Variants in LY86 observed in about 807,000 individuals in gnomAD.
LY86 encodes MD-1, RP105-associated.
Under a neutral mutation model 17.3 loss-of-function variants are expected in LY86, and 20 were observed. That is an observed-to-expected ratio of 1.15 (90% CI 0.81 to 1.68). LY86 has a LOEUF of 1.68. Among genes scored for constraint, LY86 ranks in the 40% most tolerant of loss-of-function variants. The pLI is 0.00. For synonymous variants in LY86, 74 were observed against 70.6 expected, an observed-to-expected ratio of 1.05 and a Z score of -0.24; for missense variants, 200 against 191.9, an observed-to-expected ratio of 1.04 and a Z score of -0.25.
intron 1 of LY86, among the ~76,000 whole-genome samples, chr6:6,599,094 CT>C (rs1175328085): frequency 1.3e-5 from 2 of 152,198 alleles, no homozygotes; most frequent in Non-Finnish European, 2.9e-5. Flanking sequence ...ATAGAAAAAA[CT>C]GCATAGTTGT....
At chr6:6,615,459 C>T (rs1224815210) in intron 1 of LY86, among the ~76,000 whole-genome samples, 1 of 152,112 alleles carries the variant, frequency 6.6e-6, no homozygotes, top group Admixed American at 6.5e-5. Context: ...CGGTGGCTCA[C>T]GCCTGTAATC....
chr6:6,626,474 C>A, intron 3 of LY86, 53 bp downstream of exon 3: 1 of 1,602,082 alleles, frequency 6.2e-7, no homozygotes, highest in South Asian at 1.1e-5. Context: ...GAGATAAACT[C>A]GAACTTGCAT....
At chr6:6,592,000 C>T (rs1260502483) in intron 1 of LY86, among the ~76,000 whole-genome samples, 1 of 152,108 alleles carries the variant, frequency 6.6e-6, no homozygotes, top group African/African-American at 2.4e-5. Context: ...CTCCCTTTGG[C>T]CAGGAGGTTG....
At chr6:6,645,343 G>T (rs1019543339) in intron 3 of LY86, among the ~76,000 whole-genome samples, 1 of 152,032 alleles carries the variant, frequency 6.6e-6, no homozygotes, top group South Asian at 2.1e-4. Flanking sequence ...ACCCTTCCTG[G>T]GGACCACATT....
At chr6:6,627,704 G>A (rs11967114) in intron 3 of LY86, among the ~76,000 whole-genome samples, 7 of 151,916 alleles carry the variant, frequency 4.6e-5, no homozygotes, top group African/African-American at 1.2e-4. Context: ...TTGAGCATTC[G>A]TACCAGGCCC....
chr6:6,606,338 A>C (rs1761143077), intron 1 of LY86, among the ~76,000 whole-genome samples: 1 of 152,110 alleles, frequency 6.6e-6, no homozygotes, highest in Non-Finnish European at 1.5e-5. Flanking sequence ...TGATTGGTGT[A>C]TTTACAATCC....
intron 1 of LY86, among the ~76,000 whole-genome samples, chr6:6,597,333 AG>A (rs1760745723): frequency 1.3e-5 from 2 of 152,302 alleles, no homozygotes; most frequent in African/African-American, 4.8e-5. Context: ...AGGTGGACAG[AG>A]GTTGTCGATC....
At chr6:6,603,600 A>AAC (rs773428379) in intron 1 of LY86, among the ~76,000 whole-genome samples, 25,022 of 83,678 alleles carry the variant, frequency 0.3, 4,163 homozygotes, top group Non-Finnish European at 0.45. Context: ...ACAAAAACAG[A>AAC]AACAGAAAAA....
intron 1 of LY86, among the ~76,000 whole-genome samples, chr6:6,605,911 G>C (rs753595362): frequency 1.3e-5 from 2 of 152,292 alleles, no homozygotes; most frequent in South Asian, 2.1e-4. Context: ...CTGGCTTCAG[G>C]AATGAAGCTG....
At chr6:6,611,941 C>T (rs1197546491) in intron 1 of LY86, among the ~76,000 whole-genome samples, 1 of 152,178 alleles carries the variant, frequency 6.6e-6, no homozygotes, top group Non-Finnish European at 1.5e-5. Flanking sequence ...TCTTAACTTC[C>T]AGCACGTGTC....
intron 1 of LY86, chr6:6,591,215 G>A (rs374372484): frequency 1.4e-4 from 22 of 153,898 alleles, no homozygotes; most frequent in East Asian, 9.6e-4. Context: ...GACTGGGCAC[G>A]TCAGGGAAAG....
At chr6:6,643,034 G>GA (rs1762061843) in intron 3 of LY86, among the ~76,000 whole-genome samples, 1 of 152,204 alleles carries the variant, frequency 6.6e-6, no homozygotes, top group Admixed American at 6.5e-5. Flanking sequence ...AGTGAGGGCT[G>GA]CATCCTCCCA....
intron 3 of LY86, among the ~76,000 whole-genome samples, chr6:6,627,606 T>C (rs1761814861): frequency 6.6e-6 from 1 of 152,154 alleles, no homozygotes; most frequent in South Asian, 2.1e-4. Context: ...CATATCACCT[T>C]TGTCTTTTTA....
intron 4 of LY86, among the ~76,000 whole-genome samples, chr6:6,653,180 C>T (rs1762213065): frequency 6.6e-6 from 1 of 152,196 alleles, no homozygotes; most frequent in Non-Finnish European, 1.5e-5. Flanking sequence ...CTCTTGAATA[C>T]AATTTCAGTG....
At chr6:6,616,329 T>C (rs3804469) in intron 1 of LY86, among the ~76,000 whole-genome samples, 43,813 of 152,128 alleles carry the variant, frequency 0.29, 6,456 homozygotes, top group East Asian at 0.4. Flanking sequence ...TCTAAAGCTC[T>C]GCTTCTGTCT....
chr6:6,610,618 A>G (rs961438971), intron 1 of LY86, among the ~76,000 whole-genome samples: 1 of 151,784 alleles, frequency 6.6e-6, no homozygotes, highest in African/African-American at 2.4e-5. Flanking sequence ...GTCCCTAGGA[A>G]CATACCAAGA....
intron 1 of LY86, among the ~76,000 whole-genome samples, chr6:6,604,641 CAA>C (rs1407849097): frequency 1.3e-5 from 2 of 152,024 alleles, no homozygotes; most frequent in African/African-American, 4.8e-5. Context: ...TCCAGAACTG[CAA>C]AAGACATGCA....
intron 1 of LY86, among the ~76,000 whole-genome samples, chr6:6,589,442 G>A (rs1265204907): frequency 3.9e-5 from 6 of 152,190 alleles, no homozygotes; most frequent in Non-Finnish European, 8.8e-5. Context: ...TAATAAAAGT[G>A]CATATGCCAG....
intron 1 of LY86, among the ~76,000 whole-genome samples, chr6:6,610,112 G>A (rs1165599100): frequency 6.6e-6 from 1 of 152,156 alleles, no homozygotes; most frequent in Non-Finnish European, 1.5e-5. Context: ...GTGCTTATAC[G>A]CAGTAACCCT....
Sources: gnomAD v4.1 joint callset for allele counts (sites outside exome capture counted in the v4.1 genomes callset) on GRCh38, gnomAD v4.1.1 for gene constraint, MANE v1.5 for transcripts, NCBI Gene and HGNC (gene_info 2026-07-23, HGNC 2026-07-21) for gene names.